SNX9: variants seen among roughly 807,000 people sequenced by gnomAD.
SNX9 encodes the protein sorting nexin-9.
Under a neutral mutation model 89.4 loss-of-function variants are expected in SNX9, and 44 were observed. The ratio of observed to expected loss-of-function variants is 0.49; its 90% CI spans 0.39 to 0.63. SNX9 has a LOEUF of 0.63. Ranked by LOEUF, SNX9 falls within the 30% of genes least tolerant of loss-of-function variation. SNX9 has a pLI of 0.00. For missense variants in SNX9, 578 were observed against 736.1 expected (o/e 0.79, Z 2.49); for synonymous variants, 236 against 247.8 (o/e 0.95, Z 0.45).
chr6:157,903,220 A>C (rs147299118), intron 6 of SNX9, among the ~76,000 whole-genome samples: 1 of 152,362 alleles, frequency 6.6e-6, no homozygotes, highest in Non-Finnish European at 1.5e-5. Flanking sequence ...TCCATGATTC[A>C]AGGCAGATAT....
At chr6:157,879,647 G>A (rs546114075) in intron 4 of SNX9, among the ~76,000 whole-genome samples, 4 of 152,284 alleles carry the variant, frequency 2.6e-5, no homozygotes, top group East Asian at 1.9e-4. Context: ...AGTATTTCAC[G>A]TTAGTGGCTG....
In SNX9 at chr6:157,944,694, G is replaced by C. The variant is rs971382580; in HGVS notation, c.*1856G>C. The C allele has an allele frequency of 6.6e-6, 1 of 152,150 alleles. No individual in the cohort carries two copies. The highest frequency in any genetic ancestry group is 1.5e-5 in the Non-Finnish European group (1 of 68,036). 9.4% of individuals were successfully genotyped at this position (152,150 alleles called of 1,614,324 possible). ...GTAGGTCAGTGTTGCGGTCCGGGAA[G>C]CGTATCATAACCACCTGGGAGTTGC... On this transcript the variant is annotated 3_prime_UTR_variant, in exon 18 of 18. Transcript: ENST00000392185.
chr6:157,905,841 TCACTCTGGGGTGA>T, intron 6 of SNX9, among the ~76,000 whole-genome samples: 1 of 152,324 alleles, frequency 6.6e-6, no homozygotes, highest in South Asian at 2.1e-4. Flanking sequence ...GGTCTGCCCT[TCACTCTGGGGTGA>T]CCGAATGTTT....
intron 4 of SNX9, among the ~76,000 whole-genome samples, chr6:157,888,948 C>G (rs149361846): frequency 6.6e-6 from 1 of 151,460 alleles, no homozygotes; most frequent in Non-Finnish European, 1.5e-5. Flanking sequence ...TGTGGTACCA[C>G]GGAGAGAGGG....
chr6:157,869,286 C>G (rs1259102478), intron 2 of SNX9, among the ~76,000 whole-genome samples: 2 of 152,160 alleles, frequency 1.3e-5, no homozygotes, highest in Non-Finnish European at 2.9e-5. Flanking sequence ...ATTGCCGTCT[C>G]TGTGGTGATG....
At chr6:157,866,810 G>A (rs940474764) in intron 1 of SNX9, among the ~76,000 whole-genome samples, 1 of 152,094 alleles carries the variant, frequency 6.6e-6, no homozygotes, top group African/African-American at 2.4e-5. Context: ...AATCTTAGAT[G>A]TGTGTGCGTG....
At chr6:157,927,344 T>TAC (rs1783715658) in intron 11 of SNX9, 130 bp downstream of exon 11, 1 of 628,664 alleles carries the variant, frequency 1.6e-6, no homozygotes. Flanking sequence ...GTGGGATTTG[T>TAC]AGTCCAATGA....
At chr6:157,825,445 C>G (rs1179369432) in intron 1 of SNX9, among the ~76,000 whole-genome samples, 1 of 152,094 alleles carries the variant, frequency 6.6e-6, no homozygotes, top group African/African-American at 2.4e-5. Flanking sequence ...TAATCCTGAA[C>G]TTAATTTTTT....
At chr6:157,825,300 T>G (rs1422439346) in intron 1 of SNX9, among the ~76,000 whole-genome samples, 1 of 152,136 alleles carries the variant, frequency 6.6e-6, no homozygotes, top group Non-Finnish European at 1.5e-5. Context: ...GTTTATGACA[T>G]AGAGATCTGT....
intron 3 of SNX9, 108 bp from the exon 4 acceptor site, chr6:157,874,943 G>T (rs1268395865): frequency 8.0e-7 from 1 of 1,256,790 alleles, no homozygotes; most frequent in Non-Finnish European, 1.1e-6. Context: ...AGAGAAATTT[G>T]TAGCATTGAA....
chr6:157,878,256 G>A (rs1348496887), intron 4 of SNX9, among the ~76,000 whole-genome samples: 1 of 152,222 alleles, frequency 6.6e-6, no homozygotes, highest in East Asian at 1.9e-4. Context: ...CCAAAACGCA[G>A]TTCAGCTTGG....
At chr6:157,833,685 G>C (rs1460621638) in intron 1 of SNX9, among the ~76,000 whole-genome samples, 1 of 152,148 alleles carries the variant, frequency 6.6e-6, no homozygotes, top group Non-Finnish European at 1.5e-5. Flanking sequence ...GAGGCAGGGT[G>C]GTTAATTCTT....
intron 1 of SNX9, among the ~76,000 whole-genome samples, chr6:157,848,658 G>T (rs1414933168): frequency 6.6e-6 from 1 of 152,190 alleles, no homozygotes; most frequent in African/African-American, 2.4e-5. Context: ...CTCTTAGGTG[G>T]CAGATGCCGT....
intron 2 of SNX9, chr6:157,872,798 C>T: frequency 5.4e-6 from 1 of 186,114 alleles, no homozygotes. Context: ...TTCAGAGCTG[C>T]AAGCCACTTT....
At chr6:157,896,422 A>G (rs978080883) in intron 4 of SNX9, among the ~76,000 whole-genome samples, 3 of 152,228 alleles carry the variant, frequency 2.0e-5, no homozygotes, top group Non-Finnish European at 2.9e-5. Flanking sequence ...CTTTAGGTCA[A>G]TTTTAAAAAT....
chr6:157,869,889 AC>A (rs1782355936), intron 2 of SNX9, among the ~76,000 whole-genome samples: 1 of 151,966 alleles, frequency 6.6e-6, no homozygotes, highest in Admixed American at 6.5e-5. Flanking sequence ...GTGCACATGC[AC>A]ACACATGCGC....
intron 1 of SNX9, among the ~76,000 whole-genome samples, chr6:157,853,238 A>C (rs914930681): frequency 6.6e-6 from 1 of 151,806 alleles, no homozygotes; most frequent in Non-Finnish European, 1.5e-5. Flanking sequence ...CTAGGTTGGT[A>C]GTTTTTGTTA....
chr6:157,901,208 T>G (rs1583226248), intron 5 of SNX9, among the ~76,000 whole-genome samples: 1 of 152,216 alleles, frequency 6.6e-6, no homozygotes, highest in African/African-American at 2.4e-5. Context: ...TGCATGCAAT[T>G]TTGTATTTAC....
In SNX9 at chr6:157,867,195, C is replaced by T. The variant is rs115688270; in HGVS notation, c.13-352C>T. On this transcript the variant is annotated intron_variant, in intron 1 of 17. Coordinates refer to ENST00000392185, the MANE Select transcript of SNX9 (RefSeq NM_016224.5). ...CTCGAACCCCTGGCCTCAAGCAATCCTCCTGCTATTTAGTCTCCCAAGTAG... is the reference window on the plus strand; with the variant it reads ...CTCGAACCCCTGGCCTCAAGCAATCTTCCTGCTATTTAGTCTCCCAAGTAG... 7.2e-3 allele frequency among the ~76,000 whole-genome samples: 1,090 copies of T among 152,280 alleles called. 14 individuals carry two copies. Among genetic ancestry groups the T allele is most frequent in the African/African-American group, 0.025 (1,039 of 41,544 alleles).
Sources: gnomAD v4.1 joint callset for allele counts (sites outside exome capture counted in the v4.1 genomes callset) on GRCh38, gnomAD v4.1.1 for gene constraint, MANE v1.5 for transcripts, NCBI Gene and HGNC (gene_info 2026-07-23, HGNC 2026-07-21) for gene names.